Variants in RSPH10B observed in about 807,000 individuals in gnomAD.
RSPH10B encodes radial spoke head 10 homolog B (Chlamydomonas).
In RSPH10B, 7 loss-of-function variants were observed where a neutral mutation model predicts 52.5. The ratio of observed to expected loss-of-function variants is 0.13; its 90% CI spans 0.08 to 0.25. RSPH10B has a LOEUF of 0.25. Ranked by LOEUF, RSPH10B falls within the 10% of genes least tolerant of loss-of-function variation. The pLI is 1.00. For missense variants in RSPH10B, 89 were observed against 542.5 expected, an observed-to-expected ratio of 0.16 and a Z score of 8.30; for synonymous variants, 28 against 193.2, an observed-to-expected ratio of 0.14 and a Z score of 7.09.
At chr7:5,937,408 G>GT (rs1779979061) in intron 15 of RSPH10B, among the ~76,000 whole-genome samples, 5 of 127,058 alleles carry the variant, frequency 3.9e-5, no homozygotes, top group African/African-American at 1.1e-4. Flanking sequence ...TTGTTTGTTT[G>GT]GTTTTTTTGT....
intron 3 of RSPH10B, chr7:5,963,390 T>A (rs1780978991): frequency 7.0e-6 from 1 of 142,734 alleles, no homozygotes; most frequent in South Asian, 2.2e-4. Context: ...CTCTCCCCGC[T>A]CCTCTGCAGC....
intron 18 of RSPH10B, chr7:5,927,895 C>T (rs1779587911): frequency 8.4e-6 from 4 of 474,440 alleles, no homozygotes; most frequent in Admixed American, 3.4e-5. Context: ...GAGATCATAC[C>T]ACCCCACTCT....
intron 7 of RSPH10B, among the ~76,000 whole-genome samples, chr7:5,955,269 A>G (rs1311724695): frequency 2.2e-5 from 2 of 90,896 alleles, no homozygotes; most frequent in African/African-American, 7.6e-5. Flanking sequence ...CCTTTTGTCA[A>G]AAAGAGTTCT....
At chr7:5,956,709 C>A (rs1198253646) in intron 6 of RSPH10B, among the ~76,000 whole-genome samples, 3 of 149,806 alleles carry the variant, frequency 2.0e-5, no homozygotes, top group Admixed American at 6.8e-5. Context: ...GCCAGGACTA[C>A]AGGCACCAGC....
chr7:5,945,037 C>CA (rs1390543601), intron 11 of RSPH10B, 27 bp downstream of exon 13: 1 of 532,874 alleles, frequency 1.9e-6, no homozygotes, highest in Non-Finnish European at 3.5e-6. Context: ...CCCCATCCCC[C>CA]AACAAGGGTC....
At chr7:5,940,121 C>A (rs936592994) in intron 13 of RSPH10B, among the ~76,000 whole-genome samples, 1 of 120,566 alleles carries the variant, frequency 8.3e-6, no homozygotes, top group African/African-American at 2.9e-5. Flanking sequence ...CACTTGAGCC[C>A]AGGAGGCAGA....
chr7:5,968,634 G>C (rs1253136158), upstream of RSPH10B, among the ~76,000 whole-genome samples: 9 of 70,746 alleles, frequency 1.3e-4, no homozygotes, highest in African/African-American at 4.0e-4. Context: ...AGCCTCCTGA[G>C]TAGCTAGGAC....
Position 5,958,974 on chromosome 7 carries a change from C to T in RSPH10B, c.659+19G>A, listed in dbSNP as rs374446790. ...CCCTTCTTCATCTACACCCCAAGCG[C>T]GGCGGTGGTCATACCTACCATCTTA... On this transcript the variant is annotated intron_variant, in intron 5 of 18. Coordinates refer to ENST00000337579, the Ensembl canonical transcript of RSPH10B. The T allele has an allele frequency of 2.0e-3, 2,630 of 1,328,086 alleles. 787 individuals are homozygous for T. Among genetic ancestry groups the T allele is most frequent in the Non-Finnish European group, 2.6e-3 (2,473 of 936,736 alleles). 82.3% of individuals were successfully genotyped at this position (1,328,086 alleles called of 1,614,324 possible).
intron 13 of RSPH10B, among the ~76,000 whole-genome samples, chr7:5,941,458 G>A (rs2128628533): frequency 6.9e-6 from 1 of 145,118 alleles, no homozygotes; most frequent in Admixed American, 7.0e-5. Context: ...AAGTACCATG[G>A]AACAGGCCAG....
chr7:5,950,581 AAAG>A (rs1780565949), intron 9 of RSPH10B, among the ~76,000 whole-genome samples: 1 of 149,114 alleles, frequency 6.7e-6, no homozygotes, highest in South Asian at 2.1e-4. Context: ...AAAAAAAAAA[AAAG>A]GAGCAATATT....
chr7:5,944,545 G>A (rs1430774658), intron 11 of RSPH10B, among the ~76,000 whole-genome samples: 1 of 149,098 alleles, frequency 6.7e-6, no homozygotes, highest in Non-Finnish European at 1.5e-5. Flanking sequence ...GATATTTGCA[G>A]TATTGAACTG....
chr7:5,926,616 CTATT>C (rs1171907638), intron 18 of RSPH10B, 68 bp from the exon 21 acceptor site: 1 of 1,209,338 alleles, frequency 8.3e-7, no homozygotes, highest in Non-Finnish European at 1.2e-6. Flanking sequence ...CAGTTTTAGG[CTATT>C]TATAGTATAC....
intron 16 of RSPH10B, among the ~76,000 whole-genome samples, 182 bp from the exon 19 acceptor site, chr7:5,933,057 G>T (rs1583213505): frequency 2.3e-5 from 1 of 42,816 alleles, no homozygotes. Context: ...TTGCTCTGTT[G>T]CCCAGGCTGG....
intron 13 of RSPH10B, among the ~76,000 whole-genome samples, chr7:5,940,374 G>A (rs1382054900): frequency 8.7e-5 from 1 of 11,534 alleles, no homozygotes; most frequent in East Asian, 9.8e-4. Flanking sequence ...ATGGTGGCAC[G>A]CACCTATAAT....
At chr7:5,931,038 G>A (rs1779735803) in intron 17 of RSPH10B, among the ~76,000 whole-genome samples, 1 of 111,162 alleles carries the variant, frequency 9.0e-6, no homozygotes, top group Non-Finnish European at 2.0e-5. Context: ...GGTTCAAGCA[G>A]TTCTCTCACC....
chr7:5,928,741 C>T (rs1484226746), intron 17 of RSPH10B, among the ~76,000 whole-genome samples: 1 of 150,434 alleles, frequency 6.6e-6, no homozygotes, highest in Non-Finnish European at 1.5e-5. Context: ...AAGCGATTCT[C>T]ATGCCTCAGC....
chr7:5,926,304 G>GT (rs1196016293), exon 19 of RSPH10B: 1 of 890,908 alleles, frequency 1.1e-6, no homozygotes, highest in African/African-American at 1.8e-5. Flanking sequence ...GCTAAGAACT[G>GT]TAATGCTCAG....
chr7:5,947,701 G>T (rs1780484118), intron 10 of RSPH10B, among the ~76,000 whole-genome samples: 1 of 95,752 alleles, frequency 1.0e-5, no homozygotes, highest in African/African-American at 3.8e-5. Context: ...GGCAACAAGA[G>T]TGAAACTCTG....
intron 18 of RSPH10B, among the ~76,000 whole-genome samples, chr7:5,927,119 TCTTA>T (rs2128619010): frequency 6.9e-6 from 1 of 144,870 alleles, no homozygotes; most frequent in East Asian, 2.0e-4. Flanking sequence ...TGAGATAGGG[TCTTA>T]CTGTGTTGCC....
Sources: allele counts gnomAD v4.1 joint callset (sites outside exome capture counted in the v4.1 genomes callset), GRCh38; gene constraint gnomAD v4.1.1; transcripts MANE v1.5; gene names NCBI Gene and HGNC (gene_info 2026-07-23, HGNC 2026-07-21).